The following MUC5AC variants were observed in gnomAD, a reference collection of about 807,000 sequenced individuals.
MUC5AC encodes mucin-5AC.
Under a neutral mutation model 169.7 loss-of-function variants are expected in MUC5AC, and 158 were observed. The ratio of observed to expected loss-of-function variants is 0.93; its 90% CI spans 0.82 to 1.06. MUC5AC has a LOEUF of 1.06. MUC5AC is among the 50% of genes least tolerant of loss of function. The pLI is 0.00. For missense variants in MUC5AC, 4,359 were observed against 3,089.9 expected (o/e 1.41, Z -9.74); for synonymous variants, 1,975 against 1,237.0 (o/e 1.60, Z -12.52).
chr11:1,193,689 C>T (rs1379393054), intron 33 of MUC5AC, 30 bp downstream of exon 33: 2 of 754,558 alleles, frequency 2.7e-6, no homozygotes, highest in African/African-American at 1.7e-5. Flanking sequence ...GGACCCAGGG[C>T]AGCCGGGGCA....
At chr11:1,161,660 C>T in intron 3 of MUC5AC, 74 bp downstream of exon 3, 1 of 1,510,710 alleles carries the variant, frequency 6.6e-7, no homozygotes, top group Non-Finnish European at 8.9e-7. Flanking sequence ...CCTGGAGGTG[C>T]CGGGTGGAGA....
In MUC5AC at chr11:1,200,556, A is replaced by G. The variant is rs747190695; in HGVS notation, c.16819A>G (p.Thr5607Ala). ...TDGSSRAFSY[T>A]EVEECGCMGR... ...CGGCTCCAGCCGGGCCTTCAGCTACACCGAGGTGGAAGAGTGCGGCTGCAT... is the reference window on the plus strand; with the variant it reads ...CGGCTCCAGCCGGGCCTTCAGCTACGCCGAGGTGGAAGAGTGCGGCTGCAT... The change falls in exon 49 of 49, where the codon ACC becomes GCC. Residue 5607 changes from threonine to alanine, a missense_variant. Thr to Ala is a moderately conservative substitution (Grantham distance 58). Coordinates refer to ENST00000621226, the MANE Select transcript of MUC5AC (RefSeq NM_001304359.2). 1.3e-6 allele frequency: 1 copy of G among 764,568 alleles called. No individual in the cohort carries two copies. Among genetic ancestry groups the G allele is most frequent in the East Asian group, 2.4e-5 (1 of 41,216 alleles). The allele number at this position is 764,568 out of a possible 1,614,324, so 47.4% of individuals were successfully genotyped here. A position where few individuals can be genotyped will look rare whatever the true frequency, so the allele number is the denominator to read the frequency against.
At chr11:1,168,452 C>G in intron 12 of MUC5AC, 31 bp from the exon 13 acceptor site, 1 of 1,606,862 alleles carries the variant, frequency 6.2e-7, no homozygotes, top group South Asian at 1.1e-5. Context: ...AAGCCTGCCC[C>G]GCGCTCACAC....
chr11:1,186,952 C>T lies in MUC5AC; in HGVS notation c.8807C>T (p.Pro2936Leu). 1 of 732,922 alleles carries T rather than the reference C, an allele frequency of 1.4e-6. No individual in the cohort carries two copies. 45.4% of individuals were successfully genotyped at this position (732,922 alleles called of 1,614,324 possible). ...ACTACAACCAGCACAATCTCTGTTC[C>T]TACAACCAGCACAACTTCTGTTCCT... ...SATTTSTISV[P>L]TTSTTSVPGT... Residue 2936 changes from proline (P) to leucine (L), a missense_variant, in exon 31 of 49, where the codon CCT becomes CTT. Pro to Leu is a moderately conservative substitution (Grantham distance 98). Coordinates refer to ENST00000621226, the MANE Select transcript of MUC5AC (RefSeq NM_001304359.2).
In MUC5AC at chr11:1,168,908, C is replaced by A; in HGVS notation, c.1752C>A (p.Thr584=). Residue 584 remains threonine (T), a synonymous_variant, in exon 15 of 49, where the codon ACC becomes ACA. Coordinates refer to ENST00000621226, the MANE Select transcript of MUC5AC (RefSeq NM_001304359.2). ...FNSIQADDFR[T]LSGVVEATAA... ...GCATCCAGGCCGATGACTTCCGGAC[C>A]CTCAGTGGGGTGGTGGAGGCCACCG... 6.2e-7 allele frequency: 1 copy of A among 1,610,598 alleles called. No homozygotes were observed.
Position 1,191,475 on chromosome 11 carries a change from G to C in MUC5AC, c.13330G>C (p.Val4444Leu). 2 of 752,702 alleles carry C rather than the reference G, an allele frequency of 2.7e-6. No homozygotes were observed. Among genetic ancestry groups the C allele is most frequent in the Non-Finnish European group, 2.4e-6 (1 of 411,534 alleles). 46.6% of individuals were successfully genotyped at this position (752,702 alleles called of 1,614,324 possible). A position where few individuals can be genotyped will look rare whatever the true frequency, so the allele number is the denominator to read the frequency against. Residue 4444 changes from valine to leucine, a missense_variant, in exon 31 of 49, where the codon GTT (valine) becomes CTT (leucine). By Grantham distance (32) the Val-to-Leu change is conservative (BLOSUM62 1). Coordinates refer to ENST00000621226, the MANE Select transcript of MUC5AC (RefSeq NM_001304359.2). ...TGGTCCTGGAACTACTCCCAGCCCTGTTCCCACCACAAGCACAACCTCTGC... is the reference window on the plus strand; with the variant it reads ...TGGTCCTGGAACTACTCCCAGCCCTCTTCCCACCACAAGCACAACCTCTGC... ...TSGPGTTPSP[V>L]PTTSTTSAST...
At chr11:1,174,719 C>T in intron 17 of MUC5AC, 97 bp downstream of exon 17, 1 of 564,712 alleles carries the variant, frequency 1.8e-6, no homozygotes, top group Non-Finnish European at 3.1e-6. Flanking sequence ...GGCCCCCGTC[C>T]TCTGTGCTGG....
In MUC5AC at chr11:1,188,250, A is replaced by T. The variant is rs1861000982; in HGVS notation, c.10105A>T (p.Thr3369Ser). 2.9e-6 allele frequency: 2 copies of T among 695,832 alleles called. No individual in the cohort carries two copies. Among genetic ancestry groups the T allele is most frequent in the African/African-American group, 3.5e-5 (2 of 56,350 alleles). 43.1% of individuals were successfully genotyped at this position (695,832 alleles called of 1,614,324 possible). The change falls in exon 31 of 49, where the codon ACT becomes TCT. Residue 3369 changes from threonine (T) to serine (S), a missense_variant. Coordinates refer to ENST00000621226, the MANE Select transcript of MUC5AC (RefSeq NM_001304359.2). Reference sequence around the variant, plus strand: ...TTTGGTGACAACCAGCACAACCTCCACTCCACAGACCAGCACAACCTCTGC... The same window carrying T: ...TTTGGTGACAACCAGCACAACCTCCTCTCCACAGACCAGCACAACCTCTGC... ...TTLVTTSTTS[T>S]PQTSTTSAPT...
Position 1,191,689 on chromosome 11 carries a change from C to G in MUC5AC, c.13544C>G (p.Pro4515Arg), listed in dbSNP as rs34951419. The G allele has an allele frequency of 0.03, 17,195 of 574,416 alleles. 2,339 individuals are homozygous for G. Among genetic ancestry groups the G allele is most frequent in the Non-Finnish European group, 0.042 (12,627 of 299,566 alleles). The allele number at this position is 574,416 out of a possible 1,614,324, so 35.6% of individuals were successfully genotyped here. A position where few individuals can be genotyped will look rare whatever the true frequency, so the allele number is the denominator to read the frequency against. ...TCTGGTCCTGGAACTACTCCCAGCC[C>G]TGTTCCCACCACCAGCACAACCTCT... ...TTSGPGTTPS[P>R]VPTTSTTSAP... The change falls in exon 31 of 49, where the codon CCT becomes CGT. Residue 4515 changes from proline (P) to arginine (R), a missense_variant. Transcript: ENST00000621226.
At chr11:1,175,309 C>A in intron 19 of MUC5AC, 39 bp downstream of exon 19, 1 of 398,610 alleles carries the variant, frequency 2.5e-6, no homozygotes, top group East Asian at 3.6e-5. Context: ...CCCCAGCCTC[C>A]TCATCTCTAT....
chr11:1,174,422 T>A, intron 16 of MUC5AC, 74 bp from the exon 17 acceptor site: 1 of 897,776 alleles, frequency 1.1e-6, no homozygotes, highest in Non-Finnish European at 1.7e-6. Flanking sequence ...GCTGGATGTG[T>A]GGCCTGCAGG....
At position 1,174,520 on chromosome 11, in the gene MUC5AC, T is replaced by C. The variant is rs1251735518; in HGVS notation, c.1990T>C (p.Cys664Arg). Residue 664 changes from cysteine (C) to arginine (R), a missense_variant, in exon 17 of 49, where the codon TGT (cysteine) becomes CGT (arginine). Transcript: ENST00000621226. ...GAACTGCATGTTTGACACCTGCAAC[T>C]GTGAGCGGAGCGAGGACTGCCTGTG... ...YSNCMFDTCN[C>R]ERSEDCLCAA... is the part of the protein sequence containing the mutation. 81 of 1,562,006 alleles carry C rather than the reference T, an allele frequency of 5.2e-5. No homozygotes were observed. The highest frequency in any genetic ancestry group is 6.7e-5 in the Non-Finnish European group (78 of 1,155,942).
chr11:1,192,295 A>G lies in MUC5AC; in HGVS notation c.14150A>G (p.Asn4717Ser), dbSNP rs1259561731. 1 of 765,094 alleles carries G rather than the reference A, an allele frequency of 1.3e-6. No individual in the cohort carries two copies. Among genetic ancestry groups the G allele is most frequent in the Admixed American group, 1.7e-5 (1 of 59,040 alleles). The allele number at this position is 765,094 out of a possible 1,614,324, so 47.4% of individuals were successfully genotyped here. A position where few individuals can be genotyped will look rare whatever the true frequency, so the allele number is the denominator to read the frequency against. Residue 4717 changes from asparagine (N) to serine (S), a missense_variant, in exon 31 of 49, where the codon AAC becomes AGC. Physicochemically the swap from Asn to Ser is conservative, Grantham distance 46. Transcript: ENST00000621226. ...CAGGGACCCTTCAAGATGTGCCTCA[A>G]CTACGAGGTGCGCGTGCTCTGCTGC... ...DQQGPFKMCLNYEVRVLCCET... is the reference protein window; with the variant it reads ...DQQGPFKMCLSYEVRVLCCET...
chr11:1,179,411 C>T (rs1379150291), intron 26 of MUC5AC, among the ~76,000 whole-genome samples, 163 bp downstream of exon 26: 1 of 149,836 alleles, frequency 6.7e-6, no homozygotes, highest in African/African-American at 2.5e-5. Context: ...CAGAGGGGTC[C>T]CTGGCATGGT....
chr11:1,170,786 TATTCACTC>T (rs1590138769), intron 15 of MUC5AC, among the ~76,000 whole-genome samples: 1 of 37,886 alleles, frequency 2.6e-5, no homozygotes, highest in Non-Finnish European at 5.6e-5. Context: ...CCCACTCACC[TATTCACTC>T]ACTCACTCAC....
At position 1,199,071 on chromosome 11, in the gene MUC5AC, T is replaced by G; in HGVS notation, c.16297-16T>G. ...CGGTCGCCTGGATTCCAGCCACATG[T>G]CCATCCCTCCCGCAGGGCTTCGAGT... is the stretch of plus-strand genomic sequence containing the variant. On this transcript the variant is annotated splice_polypyrimidine_tract_variant and intron_variant, in intron 44 of 48. Transcript: ENST00000621226. 1.3e-6 allele frequency: 1 copy of G among 763,934 alleles called. No homozygotes were observed. The highest frequency in any genetic ancestry group is 1.7e-5 in the Admixed American group (1 of 58,864). 47.3% of individuals were successfully genotyped at this position (763,934 alleles called of 1,614,324 possible). A position where few individuals can be genotyped will look rare whatever the true frequency, so the allele number is the denominator to read the frequency against.
intron 24 of MUC5AC, among the ~76,000 whole-genome samples, chr11:1,178,164 A>C (rs1860730583): frequency 6.6e-6 from 1 of 152,238 alleles, no homozygotes; most frequent in African/African-American, 2.4e-5. Context: ...GTCAGGACTT[A>C]GGCGGGTCCT....
rs1169096590 is a variant in MUC5AC at position 1,186,920 on chromosome 11, C to G, written c.8775C>G (p.Thr2925=). ...STTSAPTSST[T]SATTTSTISV... is the part of the protein sequence containing the mutation. ...CCTCTGCCCCTACAAGCAGCACAAC[C>G]TCAGCTACTACAACCAGCACAATCT... Residue 2925 remains threonine, a synonymous_variant, in exon 31 of 49, where the codon ACC becomes ACG. Coordinates refer to ENST00000621226, the MANE Select transcript of MUC5AC (RefSeq NM_001304359.2). 2.5e-5 allele frequency: 18 copies of G among 724,018 alleles called. No individual in the cohort carries two copies. Among genetic ancestry groups the G allele is most frequent in the Non-Finnish European group, 4.0e-5 (16 of 397,034 alleles). 44.8% of individuals were successfully genotyped at this position (724,018 alleles called of 1,614,324 possible).
intron 12 of MUC5AC, 129 bp from the exon 13 acceptor site, chr11:1,168,354 G>A: frequency 5.7e-6 from 5 of 874,454 alleles, no homozygotes; most frequent in Admixed American, 2.1e-5. Flanking sequence ...CGAGCACAAG[G>A]CCACCTTGTA....
Sources: gnomAD v4.1 joint callset for allele counts (sites outside exome capture counted in the v4.1 genomes callset) on GRCh38, gnomAD v4.1.1 for gene constraint, MANE v1.5 for transcripts, NCBI Gene and HGNC (gene_info 2026-07-23, HGNC 2026-07-21) for gene names.